The following COL5A1 variants were observed in gnomAD, a reference collection of about 807,000 sequenced individuals.
COL5A1 encodes collagen alpha-1(V) chain.
COL5A1 carries 16 observed loss-of-function variants against 263.7 expected under a neutral mutation model. That is an observed-to-expected ratio of 0.06 (90% CI 0.04 to 0.09). The LOEUF is 0.09. Ranked by LOEUF, COL5A1 falls within the 10% of genes least tolerant of loss-of-function variation. The probability of loss-of-function intolerance (pLI) is 1.00; values close to 1 mark genes in which losing one functional copy is unlikely to be tolerated. For synonymous variants in COL5A1, 1,012 were observed against 1,004.5 expected, an observed-to-expected ratio of 1.01 and a Z score of -0.14; for missense variants, 2,036 against 2,540.5, an observed-to-expected ratio of 0.80 and a Z score of 4.27.
chr9:134,809,376 C>G, intron 43 of COL5A1, 86 bp downstream of exon 43: 6 of 1,065,330 alleles, frequency 5.6e-6, no homozygotes. Context: ...GGACAGGATG[C>G]TGGCAGGTAG....
At chr9:134,724,395 A>G (rs1388334121) in intron 4 of COL5A1, among the ~76,000 whole-genome samples, 1 of 152,208 alleles carries the variant, frequency 6.6e-6, no homozygotes, top group Non-Finnish European at 1.5e-5. Flanking sequence ...CAGCCAGGCA[A>G]CGGCTGGAGC....
intron 4 of COL5A1, among the ~76,000 whole-genome samples, chr9:134,704,553 C>A (rs1299197189): frequency 6.6e-6 from 1 of 152,124 alleles, no homozygotes; most frequent in East Asian, 1.9e-4. Context: ...CAGATAGGTT[C>A]CGAATTCTGT....
At chr9:134,665,997 G>T (rs1045002559) in intron 1 of COL5A1, among the ~76,000 whole-genome samples, 6 of 152,190 alleles carry the variant, frequency 3.9e-5, no homozygotes, top group Non-Finnish European at 7.3e-5. Flanking sequence ...TGAGACAGGA[G>T]AATCGCTTGA....
chr9:134,749,301 T>G (rs1835689497), intron 11 of COL5A1, among the ~76,000 whole-genome samples: 1 of 152,222 alleles, frequency 6.6e-6, no homozygotes, highest in Non-Finnish European at 1.5e-5. Flanking sequence ...TGTTAGTTAG[T>G]GTGTCCAGCA....
rs1835935309 is a variant in COL5A1, at chr9:134,755,534, T to C, written c.1827+1208T>C. ...CTGAGGGGTCGATTCCAAAGTGGTC[T>C]GAGCAGCCTCTTCCATTCTTTGCTA... On this transcript the variant is annotated intron_variant, in intron 16 of 65. Coordinates refer to ENST00000371817, the MANE Select transcript of COL5A1 (RefSeq NM_000093.5). This position sits in a 1 kb window ranked among gnomAD's most constrained non-coding sequence, Gnocchi z 4.1. Among the ~76,000 whole-genome samples the C allele has an allele frequency of 6.6e-6, 1 of 152,236 alleles. No homozygotes were observed. Among genetic ancestry groups the C allele is most frequent in the Non-Finnish European group, 1.5e-5 (1 of 68,036 alleles).
intron 28 of COL5A1, 101 bp from the exon 29 acceptor site, chr9:134,782,566 G>C: frequency 8.9e-7 from 1 of 1,126,030 alleles, no homozygotes; most frequent in Non-Finnish European, 1.4e-6. Context: ...CCCAAGCGTG[G>C]GGGACCTGGT....
rs116248943 is a variant in COL5A1 at position 134,833,417 on chromosome 9, G to A, written c.5137-1554G>A. Among the ~76,000 whole-genome samples, 1,477 of 152,306 alleles carry A rather than the reference G, an allele frequency of 9.7e-3. 33 individuals carry two copies. The highest frequency in any genetic ancestry group is 0.034 in the African/African-American group (1,406 of 41,552). ...CACATTGTCCTCTGATGCCTTCCCT[G>A]GATTTGTGCAGAGACTGGGAGGGCT... On this transcript the variant is annotated intron_variant, in intron 64 of 65. Coordinates refer to ENST00000371817, the MANE Select transcript of COL5A1 (RefSeq NM_000093.5).
At chr9:134,704,171 G>A (rs567598587) in intron 4 of COL5A1, among the ~76,000 whole-genome samples, 4 of 152,252 alleles carry the variant, frequency 2.6e-5, no homozygotes, top group East Asian at 3.9e-4. Flanking sequence ...CTAGAAATCC[G>A]TGTTCAGGGC....
chr9:134,735,620 G>A (rs1311115756), intron 9 of COL5A1, among the ~76,000 whole-genome samples: 3 of 152,182 alleles, frequency 2.0e-5, no homozygotes, highest in South Asian at 2.1e-4. Context: ...GTCCCCGCCC[G>A]CGTTGCCCCA....
At chr9:134,828,551 CG>C in intron 63 of COL5A1, among the ~76,000 whole-genome samples, 1 of 130,216 alleles carries the variant, frequency 7.7e-6, no homozygotes, top group African/African-American at 2.9e-5. Context: ...CACAGAGATA[CG>C]CACCACACAC....
At position 134,789,380 on chromosome 9, in the gene COL5A1, C is replaced by T. The variant is rs1360081801; in HGVS notation, c.2700+172C>T. Among the ~76,000 whole-genome samples, 6 of 152,074 alleles carry T rather than the reference C, an allele frequency of 3.9e-5. No individual in the cohort carries two copies. The highest frequency in any genetic ancestry group is 1.4e-4 in the African/African-American group (6 of 41,396). The stretch of plus-strand genomic sequence containing the variant: ...TTCAGCACCACGTGTTGGTGACACT[C>T]TCCAGACGCTGGGCTGGGCAGGTAT... On this transcript the variant is annotated intron_variant, in intron 32 of 65. Transcript: ENST00000371817. This position sits in a 1 kb window ranked among gnomAD's most constrained non-coding sequence, Gnocchi z 4.8.
In COL5A1 at chr9:134,758,393, G is replaced by A. The variant is rs1239917053; in HGVS notation, c.1935+97G>A. ...TTCCAGGCAGCCTCAGATTTCCTGT[G>A]GGGTCAGGTCTCCGCCATTCCAACA... On this transcript the variant is annotated intron_variant, in intron 18 of 65. Coordinates refer to ENST00000371817, the MANE Select transcript of COL5A1 (RefSeq NM_000093.5). This position sits in a 1 kb window ranked among gnomAD's most constrained non-coding sequence, Gnocchi z 4.1. 1.6e-6 allele frequency: 2 copies of A among 1,271,778 alleles called. No individual in the cohort carries two copies. Among genetic ancestry groups the A allele is most frequent in the Non-Finnish European group, 1.1e-6 (1 of 876,316 alleles). 78.8% of individuals were successfully genotyped at this position (1,271,778 alleles called of 1,614,324 possible).
intron 25 of COL5A1, among the ~76,000 whole-genome samples, chr9:134,768,883 G>T (rs946566792): frequency 5.3e-5 from 8 of 152,182 alleles, no homozygotes; most frequent in Non-Finnish European, 1.0e-4. Flanking sequence ...AAACGCGTTT[G>T]CAGTGTGTGC....
intron 14 of COL5A1, 57 bp from the exon 15 acceptor site, chr9:134,753,793 C>G (rs1835875963): frequency 9.4e-6 from 8 of 851,028 alleles, no homozygotes; most frequent in Non-Finnish European, 1.9e-6. Context: ...CCCAGCCCTT[C>G]CTGTGTTCTC....
At position 134,684,430 on chromosome 9, in the gene COL5A1, G is replaced by T. The variant is rs141077010; in HGVS notation, c.110-6482G>T. ...AGCATTCATCCTTCTCAGCAGGTCT[G>T]TGAGCCTCAGGCCTTAAGGGGAGCC... On this transcript the variant is annotated intron_variant, in intron 1 of 65. Coordinates refer to ENST00000371817, the MANE Select transcript of COL5A1 (RefSeq NM_000093.5). 3.9e-5 allele frequency among the ~76,000 whole-genome samples: 6 copies of T among 152,334 alleles called. No individual in the cohort carries two copies. The East Asian group carries it at 1.2e-3, about 29-fold the overall frequency.
rs371544902 is a variant in COL5A1 at position 134,822,240 on chromosome 9, T to G, written c.4608+90T>G. ...GCCTCAGTGTGGAGCTAGAGAATTG[T>G]GGAAAAGTCACACGAGAAGCTGGAA... On this transcript the variant is annotated intron_variant, in intron 59 of 65. Coordinates refer to ENST00000371817, the MANE Select transcript of COL5A1 (RefSeq NM_000093.5). 2.1e-5 allele frequency: 24 copies of G among 1,163,836 alleles called. No individual in the cohort carries two copies. In the East Asian group the frequency reaches 3.3e-4, roughly 16 times the overall value. 72.1% of individuals were successfully genotyped at this position (1,163,836 alleles called of 1,614,324 possible). A position where few individuals can be genotyped will look rare whatever the true frequency, so the allele number is the denominator to read the frequency against.
At position 134,701,321 on chromosome 9, in the gene COL5A1, G is replaced by C; in HGVS notation, c.642G>C (p.Glu214Asp). 1 of 1,613,822 alleles carries C rather than the reference G, an allele frequency of 6.2e-7. No individual in the cohort carries two copies. Among genetic ancestry groups the C allele is most frequent in the Non-Finnish European group, 8.5e-7 (1 of 1,179,974 alleles). ...TGTTTGGCACCCGGATCCTGGATGAGGAGGTGTTTGAGGTGAGCAGGAGGG... is the reference window on the plus strand; with the variant it reads ...TGTTTGGCACCCGGATCCTGGATGACGAGGTGTTTGAGGTGAGCAGGAGGG... The part of the protein sequence containing the change: ...IIVFGTRILD[E>D]EVFEGDIQQL... Residue 214 changes from glutamate to aspartate, a missense_variant, in exon 4 of 66, where the codon GAG becomes GAC. Transcript: ENST00000371817.
intron 9 of COL5A1, chr9:134,732,359 C>G: frequency 1.6e-6 from 1 of 623,060 alleles, no homozygotes; most frequent in Non-Finnish European, 2.9e-6. Context: ...GGGATAGGTG[C>G]TGATCAAAGC....
At chr9:134,724,007 C>T (rs994470219) in intron 4 of COL5A1, among the ~76,000 whole-genome samples, 3 of 152,138 alleles carry the variant, frequency 2.0e-5, no homozygotes, top group Non-Finnish European at 4.4e-5. Flanking sequence ...TCCTGTTGAG[C>T]CCCGAGGTCC....
Sources: gnomAD v4.1 joint callset for allele counts (sites outside exome capture counted in the v4.1 genomes callset) on GRCh38, gnomAD v4.1.1 for gene constraint, Gnocchi (gnomAD v3.1) non-coding constraint, MANE v1.5 for transcripts, NCBI Gene and HGNC (gene_info 2026-07-23, HGNC 2026-07-21) for gene names.